RAD54L: variants seen among roughly 807,000 people sequenced by gnomAD.
The protein encoded by RAD54L is DNA repair and recombination protein RAD54-like.
A neutral mutation model predicts 91.6 loss-of-function variants in RAD54L; 74 were observed. The ratio of observed to expected loss-of-function variants is 0.81; its 90% CI spans 0.67 to 0.98. The LOEUF (loss-of-function observed/expected upper bound fraction) is 0.98. Ranked by LOEUF, RAD54L falls within the 50% of genes least tolerant of loss-of-function variation. The probability of loss-of-function intolerance (pLI) is 0.00; values close to 1 mark genes in which losing one functional copy is unlikely to be tolerated. For synonymous variants in RAD54L, 304 were observed against 349.7 expected, an observed-to-expected ratio of 0.87 and a Z score of 1.46; for missense variants, 887 against 945.7, an observed-to-expected ratio of 0.94 and a Z score of 0.81.
At chr1:46,271,367 G>A (rs2148298827) in intron 10 of RAD54L, among the ~76,000 whole-genome samples, 1 of 152,272 alleles carries the variant, frequency 6.6e-6, no homozygotes, top group South Asian at 2.1e-4. Context: ...ACCAATTTTA[G>A]ATGGCAGGAC....
Position 46,274,231 on chromosome 1 carries a change from C to T in RAD54L, c.1689+15C>T, listed in dbSNP as rs1265317644. On this transcript the variant is annotated intron_variant, in intron 15 of 17. Transcript: ENST00000371975. ...ATAGTCCATCGGTAAATGCACATCC[C>T]CGTCCCCACACCACCAATGCAGTAT... 6.3e-7 allele frequency: 1 copy of T among 1,596,134 alleles called. No individual in the cohort carries two copies.
At chr1:46,266,972 CCT>C (rs1056882849) in intron 8 of RAD54L, among the ~76,000 whole-genome samples, 24 of 152,240 alleles carry the variant, frequency 1.6e-4, no homozygotes, top group African/African-American at 5.8e-4. Context: ...GTGGGTGAAC[CCT>C]CTCTCATGCT....
At chr1:46,272,342 C>T (rs958468857) in intron 10 of RAD54L, 124 bp from the exon 11 acceptor site, 9 of 913,750 alleles carry the variant, frequency 9.8e-6, no homozygotes, top group South Asian at 2.7e-5. Flanking sequence ...TGCGCCTGGC[C>T]GAGTCTCTGA....
Position 46,260,011 on chromosome 1 carries a change from C to T in RAD54L, c.319C>T (p.Arg107Trp), listed in dbSNP as rs141019694. Reference sequence around the variant, plus strand: ...GGGCCTGAAAAGGGCTGGGGTCCGCCGGGCCCTCCATGACCCCCTGGAAAA... The same window carrying T: ...GGGCCTGAAAAGGGCTGGGGTCCGCTGGGCCCTCCATGACCCCCTGGAAAA... ...ALGLKRAGVR[R>W]ALHDPLEKDA... Residue 107 changes from arginine to tryptophan, a missense_variant, in exon 5 of 18, where the codon CGG becomes TGG. By Grantham distance (101) the Arg-to-Trp change is moderately radical. Coordinates refer to ENST00000371975, the MANE Select transcript of RAD54L (RefSeq NM_003579.4). 47 of 1,614,022 alleles carry T rather than the reference C, an allele frequency of 2.9e-5. No individual in the cohort carries two copies. The highest frequency in any genetic ancestry group is 1.6e-4 in the Middle Eastern group (1 of 6,084).
intron 3 of RAD54L, among the ~76,000 whole-genome samples, chr1:46,254,603 T>TC (rs763370694): frequency 1.3e-5 from 2 of 150,730 alleles, no homozygotes; most frequent in African/African-American, 2.4e-5. Context: ...TTTTTTTTTT[T>TC]CCTGAGACAG....
rs781369256 is a variant in RAD54L at position 46,270,648 on chromosome 1, C to T, written c.1043-11C>T. On this transcript the variant is annotated splice_polypyrimidine_tract_variant and intron_variant, in intron 9 of 17. Coordinates refer to ENST00000371975, the MANE Select transcript of RAD54L (RefSeq NM_003579.4). ...CCACATTCTTCTGTTTTCCTTCTCT[C>T]CTGTGTTTAGGGACTGCCCATGAAT... 1.9e-6 allele frequency: 3 copies of T among 1,612,390 alleles called. No homozygotes were observed. In the Admixed American group the frequency reaches 5.0e-5, roughly 27 times the overall value.
Position 46,274,657 on chromosome 1 carries a change from C to T in RAD54L, c.1809C>T (p.Ala603=). ...GGAACCCAGCCAATGATGAACAAGC[C>T]ATGGCCCGGGTCTGGCGAGATGGTC... ...PDWNPANDEQ[A]MARVWRDGQK... The change falls in exon 16 of 18, where the codon GCC becomes GCT. Residue 603 remains alanine (A), a synonymous_variant. Coordinates refer to ENST00000371975, the MANE Select transcript of RAD54L (RefSeq NM_003579.4). 1 of 1,614,116 alleles carries T rather than the reference C, an allele frequency of 6.2e-7. No individual in the cohort carries two copies. Among genetic ancestry groups the T allele is most frequent in the Non-Finnish European group, 8.5e-7 (1 of 1,180,044 alleles).
At chr1:46,253,680 G>C (rs1417536633) in intron 3 of RAD54L, among the ~76,000 whole-genome samples, 1 of 138,346 alleles carries the variant, frequency 7.2e-6, no homozygotes, top group African/African-American at 2.6e-5. Flanking sequence ...CCGGATTTCT[G>C]TCCCCTATTT....
rs1225342168 is a variant in RAD54L, at chr1:46,273,549, G to A, written c.1487-75G>A. 1.3e-5 allele frequency: 21 copies of A among 1,611,680 alleles called. No homozygotes were observed. The African/African-American group carries it at 1.5e-4, about 11-fold the overall frequency. On this transcript the variant is annotated intron_variant, in intron 13 of 17. Transcript: ENST00000371975. Reference sequence around the variant, plus strand: ...TTGTGCTAGGGCTGTCCTGTTTCAAGGCAGGATATCAAGAGTAAGAAGCCT... The same window carrying A: ...TTGTGCTAGGGCTGTCCTGTTTCAAAGCAGGATATCAAGAGTAAGAAGCCT...
intron 10 of RAD54L, among the ~76,000 whole-genome samples, chr1:46,271,426 C>T (rs1169526554): frequency 1.3e-5 from 2 of 152,158 alleles, no homozygotes; most frequent in Non-Finnish European, 2.9e-5. Flanking sequence ...GAAGCTGAGG[C>T]GAGTGGATCA....
At position 46,265,299 on chromosome 1, in the gene RAD54L, A is replaced by G. The variant is rs1303305867; in HGVS notation, c.892-2160A>G. ...GGATTTCAAGACTAGCCTGGCCAAC[A>G]TGGTGAAACCCTGTTTCTACTAAAA... On this transcript the variant is annotated intron_variant, in intron 8 of 17. Coordinates refer to ENST00000371975, the MANE Select transcript of RAD54L (RefSeq NM_003579.4). The surrounding 1 kb of genome is among the most constrained non-coding windows in gnomAD (Gnocchi z 4.8). Among the ~76,000 whole-genome samples the G allele has an allele frequency of 6.6e-6, 1 of 152,158 alleles. No homozygotes were observed. Among genetic ancestry groups the G allele is most frequent in the South Asian group, 2.1e-4 (1 of 4,830 alleles).
At chr1:46,273,072 C>T (rs28363237) in intron 12 of RAD54L, among the ~76,000 whole-genome samples, 2,090 of 152,284 alleles carry the variant, frequency 0.014, 45 homozygotes, top group African/African-American at 0.043. Context: ...CATGTACACA[C>T]GCTCATATAC....
intron 15 of RAD54L, 127 bp from the exon 16 acceptor site, chr1:46,274,411 A>T: frequency 7.5e-7 from 1 of 1,329,336 alleles, no homozygotes; most frequent in Non-Finnish European, 1.1e-6. Context: ...TGGTGAGCAG[A>T]TAAACTGGTG....
At chr1:46,261,132 T>G in intron 7 of RAD54L, 117 bp downstream of exon 7, 1 of 1,542,884 alleles carries the variant, frequency 6.5e-7, no homozygotes, top group African/African-American at 1.4e-5. Flanking sequence ...AAAGAGAATT[T>G]CCATTGAAAA....
rs749119423 is a variant in RAD54L, at chr1:46,259,956, G to A, written c.272-8G>A. 4.3e-6 allele frequency: 7 copies of A among 1,614,072 alleles called. No homozygotes were observed. Among genetic ancestry groups the A allele is most frequent in the Non-Finnish European group, 5.1e-6 (6 of 1,179,994 alleles). On this transcript the variant is annotated splice_region_variant and splice_polypyrimidine_tract_variant and intron_variant, in intron 4 of 17. Coordinates refer to ENST00000371975, the MANE Select transcript of RAD54L (RefSeq NM_003579.4). ...GATTCAGGTGACGGAATGATTATTG[G>A]TTTGTAGGTCCTCTGGGCTCTCGAG... is the stretch of plus-strand genomic sequence containing the variant.
chr1:46,259,202 A>G (rs1660028169), intron 4 of RAD54L, among the ~76,000 whole-genome samples: 1 of 150,164 alleles, frequency 6.7e-6, no homozygotes, highest in Admixed American at 6.7e-5. Context: ...TTTAATAGAG[A>G]TAGGATTTCA....
chr1:46,257,143 CA>C (rs576146179), intron 3 of RAD54L, among the ~76,000 whole-genome samples: 5,117 of 54,442 alleles, frequency 0.094, 74 homozygotes, highest in South Asian at 0.18. Context: ...GACTCCATCT[CA>C]AAAAAAAAAA....
At position 46,272,025 on chromosome 1, in the gene RAD54L, C is replaced by CTTTTTTTTTTTTTTTT. The variant is rs1162693010; in HGVS notation, c.1170-422_1170-407dup. ...GATGTGTTTGACATAGGTCTGATGA[C>CTTTTTTTTTTTTTTTT]TTTTTTTTTTTTTTTTTTTTTTTTT... On this transcript the variant is annotated intron_variant, in intron 10 of 17. Transcript: ENST00000371975. 1.0e-3 allele frequency among the ~76,000 whole-genome samples: 42 copies of CTTTTTTTTTTTTTTTT among 41,168 alleles called. 8 individuals are homozygous for CTTTTTTTTTTTTTTTT. The highest frequency in any genetic ancestry group is 2.1e-3 in the African/African-American group (16 of 7,538). 27.0% of individuals were successfully genotyped at this position (41,168 alleles called of 152,430 possible).
At chr1:46,261,046 C>G (rs1473602045) in intron 7 of RAD54L, 31 bp downstream of exon 7, 1 of 1,606,898 alleles carries the variant, frequency 6.2e-7, no homozygotes, top group Non-Finnish European at 8.5e-7. Flanking sequence ...TGGCTGCACT[C>G]TCCTGCACAG....
Sources: gnomAD v4.1 joint callset for allele counts (sites outside exome capture counted in the v4.1 genomes callset) on GRCh38, gnomAD v4.1.1 for gene constraint, Gnocchi (gnomAD v3.1) non-coding constraint, MANE v1.5 for transcripts, NCBI Gene and HGNC (gene_info 2026-07-23, HGNC 2026-07-21) for gene names.